Variants in PTPRD observed in about 807,000 individuals in gnomAD.
PTPRD encodes protein tyrosine phosphatase receptor type D.
A neutral mutation model predicts 214.5 loss-of-function variants in PTPRD; 34 were observed. The observed-to-expected ratio is 0.16, with a 90% CI of 0.12 to 0.21. The LOEUF (loss-of-function observed/expected upper bound fraction) is 0.21. Among genes scored for constraint, PTPRD ranks in the 10% least tolerant of loss-of-function variants. PTPRD has a pLI of 1.00. For missense variants in PTPRD, 2,545 were observed against 2,398.7 expected, an observed-to-expected ratio of 1.06 and a Z score of -1.27; for synonymous variants, 1,128 against 845.7, an observed-to-expected ratio of 1.33 and a Z score of -5.79.
intron 3 of PTPRD, among the ~76,000 whole-genome samples, chr9:10,047,103 T>C (rs1273139051): frequency 6.6e-6 from 1 of 151,894 alleles, no homozygotes; most frequent in Non-Finnish European, 1.5e-5. Context: ...CACCTATAGT[T>C]TGAATATTTC....
intron 7 of PTPRD, among the ~76,000 whole-genome samples, chr9:9,576,277 A>G (rs1266686590): frequency 6.6e-6 from 1 of 152,186 alleles, no homozygotes; most frequent in Non-Finnish European, 1.5e-5. Context: ...ATCTGACAGT[A>G]AAATGAACCA....
chr9:9,248,634 T>C (rs955626974), intron 9 of PTPRD, among the ~76,000 whole-genome samples: 4 of 152,086 alleles, frequency 2.6e-5, no homozygotes, highest in Non-Finnish European at 5.9e-5. Context: ...AAAAGGAATC[T>C]GAGGCTGTAT....
intron 11 of PTPRD, chr9:8,936,200 C>G (rs1192738474): frequency 6.6e-6 from 1 of 152,014 alleles, no homozygotes; most frequent in African/African-American, 2.4e-5. Context: ...CGCTTGAGCT[C>G]AGGGGTTTGA....
At chr9:9,407,191 A>G (rs1481003628) in intron 8 of PTPRD, among the ~76,000 whole-genome samples, 3 of 151,750 alleles carry the variant, frequency 2.0e-5, no homozygotes, top group South Asian at 2.1e-4. Flanking sequence ...ACCTAAAAGC[A>G]TGTCTGTTTT....
At chr9:8,443,429 C>T (rs1313554965) in intron 34 of PTPRD, among the ~76,000 whole-genome samples, 1 of 152,176 alleles carries the variant, frequency 6.6e-6, no homozygotes, top group Non-Finnish European at 1.5e-5. Flanking sequence ...AAAGCTTATT[C>T]AGTTGCTGTG....
chr9:9,569,430 G>C (rs963619039), intron 8 of PTPRD, among the ~76,000 whole-genome samples: 2 of 151,874 alleles, frequency 1.3e-5, no homozygotes, highest in Admixed American at 6.6e-5. Flanking sequence ...GTCATGTAAA[G>C]CTGACATATT....
At chr9:8,442,435 T>C (rs1272513392) in intron 34 of PTPRD, among the ~76,000 whole-genome samples, 1 of 152,200 alleles carries the variant, frequency 6.6e-6, no homozygotes, top group African/African-American at 2.4e-5. Flanking sequence ...CGGTGGTACA[T>C]CTTTTACATG....
chr9:10,328,356 G>A (rs2096684217), intron 3 of PTPRD, among the ~76,000 whole-genome samples: 1 of 151,678 alleles, frequency 6.6e-6, no homozygotes, highest in Admixed American at 6.6e-5. Context: ...TTGCACAGGA[G>A]ACTGTAAAAC....
At chr9:9,881,153 A>G (rs569391957) in intron 5 of PTPRD, among the ~76,000 whole-genome samples, 5 of 152,302 alleles carry the variant, frequency 3.3e-5, no homozygotes, top group African/African-American at 1.2e-4. Context: ...AATAAATTCT[A>G]TATTAGACAA....
At chr9:10,226,154 C>G (rs1044958103) in intron 3 of PTPRD, among the ~76,000 whole-genome samples, 1 of 151,954 alleles carries the variant, frequency 6.6e-6, no homozygotes, top group East Asian at 1.9e-4. Context: ...GATGGATGAT[C>G]CCCCCAAAAT....
intron 5 of PTPRD, among the ~76,000 whole-genome samples, chr9:9,773,665 A>G (rs2098772190): frequency 6.6e-6 from 1 of 152,206 alleles, no homozygotes; most frequent in South Asian, 2.1e-4. Context: ...AGAGTTTAGC[A>G]AATTCATATT....
chr9:9,919,798 C>A (rs752729564), intron 5 of PTPRD, among the ~76,000 whole-genome samples: 6 of 152,102 alleles, frequency 3.9e-5, no homozygotes, highest in Non-Finnish European at 5.9e-5. Context: ...CCTCAGTCTT[C>A]GTTACTGCAG....
At chr9:10,406,702 T>C (rs1295858321) in intron 2 of PTPRD, among the ~76,000 whole-genome samples, 1 of 151,648 alleles carries the variant, frequency 6.6e-6, no homozygotes, top group Non-Finnish European at 1.5e-5. Context: ...TATATCAATT[T>C]TCTCTAAAGG....
chr9:8,837,219 T>G (rs2154531594), intron 11 of PTPRD, among the ~76,000 whole-genome samples: 1 of 151,960 alleles, frequency 6.6e-6, no homozygotes, highest in South Asian at 2.1e-4. Flanking sequence ...TTCATTATGT[T>G]GCCTAGGCTG....
intron 5 of PTPRD, among the ~76,000 whole-genome samples, chr9:9,920,707 A>C (rs2082310861): frequency 6.6e-6 from 1 of 152,156 alleles, no homozygotes; most frequent in African/African-American, 2.4e-5. Context: ...AAGCCTCTTT[A>C]GAAAGGAGGG....
At position 8,575,089 on chromosome 9, in the gene PTPRD, G is replaced by A. The variant is rs377624954; in HGVS notation, c.353-46310C>T. On this transcript the variant is annotated intron_variant, in intron 14 of 45. Transcript: ENST00000381196. ...TTACAGAACTGTCCTCGTACTCTAC[G>A]AATAGCTGTTCAAGTAGTTCAGGCT... 3.3e-5 allele frequency among the ~76,000 whole-genome samples: 5 copies of A among 152,070 alleles called. No homozygotes were observed. In the East Asian group the frequency reaches 9.7e-4, roughly 29 times the overall value.
chr9:8,389,492 T>C, intron 36 of PTPRD, 85 bp from the exon 37 acceptor site: 2 of 1,016,518 alleles, frequency 2.0e-6, no homozygotes, highest in Non-Finnish European at 2.8e-6. Flanking sequence ...CAGTGCTATC[T>C]TACTGTTCCA....
chr9:10,353,824 T>TA (rs1420887108), intron 2 of PTPRD, among the ~76,000 whole-genome samples: 1 of 151,936 alleles, frequency 6.6e-6, no homozygotes, highest in African/African-American at 2.4e-5. Context: ...TATGGCTTGG[T>TA]AAAATTTTTT....
intron 2 of PTPRD, among the ~76,000 whole-genome samples, chr9:10,499,406 C>T (rs1021853825): frequency 1.3e-5 from 2 of 151,916 alleles, no homozygotes. Context: ...CAACCTGCCA[C>T]CATCTTTTTT....
Sources: gnomAD v4.1 joint callset for allele counts (sites outside exome capture counted in the v4.1 genomes callset) on GRCh38, gnomAD v4.1.1 for gene constraint, MANE v1.5 for transcripts, NCBI Gene and HGNC (gene_info 2026-07-23, HGNC 2026-07-21) for gene names.